DPF3: variants seen among roughly 807,000 people sequenced by gnomAD.
The protein encoded by DPF3 is double PHD fingers 3.
A neutral mutation model predicts 56.8 loss-of-function variants in DPF3; 18 were observed. The observed-to-expected ratio is 0.32, with a 90% CI of 0.22 to 0.47. The LOEUF (loss-of-function observed/expected upper bound fraction) is 0.47. Ranked by LOEUF, DPF3 falls within the 20% of genes least tolerant of loss-of-function variation. The pLI is 1.00. For synonymous variants in DPF3, 188 were observed against 180.2 expected, an observed-to-expected ratio of 1.04 and a Z score of -0.35; for missense variants, 403 against 488.8, an observed-to-expected ratio of 0.82 and a Z score of 1.65.
chr14:72,892,757 C>G, intron 1 of DPF3: 1 of 952,256 alleles, frequency 1.1e-6, no homozygotes, highest in Non-Finnish European at 1.3e-6. Flanking sequence ...TCGCCTGCGG[C>G]TTCGTCCGGG....
chr14:72,650,397 T>A (rs1002530799), intron 8 of DPF3, among the ~76,000 whole-genome samples: 2 of 152,188 alleles, frequency 1.3e-5, no homozygotes, highest in African/African-American at 4.8e-5. Flanking sequence ...AGGGATCAGC[T>A]GAAGGAAGCA....
intron 1 of DPF3, among the ~76,000 whole-genome samples, chr14:72,856,023 A>T (rs1885157392): frequency 6.6e-6 from 1 of 152,182 alleles, no homozygotes. Context: ...AGAAAGAAAC[A>T]AGTGTTGAAT....
chr14:72,822,021 A>C (rs1222745211), intron 1 of DPF3, among the ~76,000 whole-genome samples: 1 of 152,146 alleles, frequency 6.6e-6, no homozygotes, highest in African/African-American at 2.4e-5. Context: ...AAAAGAGGTG[A>C]AATTAAATAA....
At chr14:72,662,619 A>G (rs1886264018) in intron 8 of DPF3, 1 of 985,230 alleles carries the variant, frequency 1.0e-6, no homozygotes, top group Admixed American at 6.2e-5. Context: ...GGCCATTCCC[A>G]AGGCTTCTGT....
chr14:72,863,109 T>TGTGG, intron 1 of DPF3, among the ~76,000 whole-genome samples: 1 of 141,576 alleles, frequency 7.1e-6, no homozygotes, highest in African/African-American at 2.7e-5. Flanking sequence ...TATGTGTGTG[T>TGTGG]ATACATATAT....
At chr14:72,628,547 A>G (rs28789463) in intron 9 of DPF3, among the ~76,000 whole-genome samples, 12,345 of 152,204 alleles carry the variant, frequency 0.081, 1,066 homozygotes, top group African/African-American at 0.22. Flanking sequence ...AAGGTCATCA[A>G]TAGATGCTAC....
chr14:72,654,277 C>A (rs372551881), intron 8 of DPF3, among the ~76,000 whole-genome samples: 1 of 152,006 alleles, frequency 6.6e-6, no homozygotes, highest in Non-Finnish European at 1.5e-5. Flanking sequence ...CACCTCTGAG[C>A]CTTTGCTCAG....
intron 1 of DPF3, chr14:72,773,881 C>T: frequency 2.2e-6 from 1 of 455,608 alleles, no homozygotes; most frequent in Non-Finnish European, 4.4e-6. Flanking sequence ...TATGCATATA[C>T]CACATTTTGC....
intron 8 of DPF3, among the ~76,000 whole-genome samples, chr14:72,657,831 T>C (rs1391897068): frequency 6.6e-6 from 1 of 152,228 alleles, no homozygotes; most frequent in Non-Finnish European, 1.5e-5. Context: ...TTGTGACAGA[T>C]GTTTGCCTTA....
chr14:72,645,185 C>G (rs2153568077), intron 8 of DPF3, among the ~76,000 whole-genome samples: 2 of 152,330 alleles, frequency 1.3e-5, no homozygotes, highest in Middle Eastern at 3.4e-3. Flanking sequence ...GAAACTCTAT[C>G]ACAACAGCTA....
intron 8 of DPF3, among the ~76,000 whole-genome samples, chr14:72,638,542 G>A (rs1007720746): frequency 6.6e-6 from 1 of 152,208 alleles, no homozygotes; most frequent in Admixed American, 6.5e-5. Context: ...AAACAGCAGT[G>A]ATTGGTCAAC....
At chr14:72,742,906 C>T (rs1354449515) in intron 3 of DPF3, among the ~76,000 whole-genome samples, 1 of 152,142 alleles carries the variant, frequency 6.6e-6, no homozygotes, top group Non-Finnish European at 1.5e-5. Context: ...AGACTCAAGT[C>T]CCTCCGCCTG....
intron 1 of DPF3, among the ~76,000 whole-genome samples, chr14:72,891,623 G>A (rs1236198674): frequency 2.0e-5 from 3 of 151,898 alleles, no homozygotes; most frequent in Non-Finnish European, 4.4e-5. Flanking sequence ...AAAAATAAAG[G>A]CAGATGGTGT....
intron 1 of DPF3, among the ~76,000 whole-genome samples, chr14:72,845,793 T>C (rs1240604343): frequency 1.3e-5 from 2 of 152,222 alleles, no homozygotes; most frequent in South Asian, 2.1e-4. Context: ...TTAAGATTCC[T>C]GTTCTGAAAC....
chr14:72,646,041 G>C (rs1427797862), intron 8 of DPF3, among the ~76,000 whole-genome samples: 1 of 152,080 alleles, frequency 6.6e-6, no homozygotes, highest in African/African-American at 2.4e-5. Flanking sequence ...GCATGCACAG[G>C]GTATTTTGAG....
At position 72,618,596 on chromosome 14, in the gene DPF3, C is replaced by T. The variant is rs1884230408; in HGVS notation, c.*701G>A. ...AAGTACTGACTGGCTATGGCGGGGC[C>T]TTGGCACCATTTCCACAATGTTTCC... On this transcript the variant is annotated 3_prime_UTR_variant, in exon 11 of 11. Coordinates refer to ENST00000556509, the MANE Select transcript of DPF3 (RefSeq NM_001280542.3). Among the ~76,000 whole-genome samples the T allele has an allele frequency of 6.6e-6, 1 of 152,198 alleles. No individual in the cohort carries two copies. The highest frequency in any genetic ancestry group is 2.4e-5 in the African/African-American group (1 of 41,448).
intron 8 of DPF3, chr14:72,662,493 G>C: frequency 1.0e-6 from 1 of 984,854 alleles, no homozygotes. Context: ...TTTGTGTTCA[G>C]TTATTTCTAC....
At chr14:72,866,899 A>T (rs1033331994) in intron 1 of DPF3, among the ~76,000 whole-genome samples, 2 of 149,924 alleles carry the variant, frequency 1.3e-5, no homozygotes, top group African/African-American at 4.9e-5. Flanking sequence ...TGCTGGGATT[A>T]TAGGAGTGAG....
intron 8 of DPF3, 128 bp downstream of exon 8, chr14:72,674,112 C>T (rs1886808572): frequency 7.5e-7 from 1 of 1,332,680 alleles, no homozygotes; most frequent in Non-Finnish European, 9.9e-7. Flanking sequence ...GCTGAAAACT[C>T]CTCTCCACTC....
Sources: allele counts gnomAD v4.1 joint callset (sites outside exome capture counted in the v4.1 genomes callset), GRCh38; gene constraint gnomAD v4.1.1; transcripts MANE v1.5; gene names NCBI Gene and HGNC (gene_info 2026-07-23, HGNC 2026-07-21).